RASA3: variants seen among roughly 807,000 people sequenced by gnomAD.
RASA3 encodes ras GTPase-activating protein 3.
In RASA3, 73 loss-of-function variants were observed where a neutral mutation model predicts 110.0. That is an observed-to-expected ratio of 0.66 (90% confidence interval 0.55 to 0.81). RASA3 has a LOEUF of 0.81. Ranked by LOEUF, RASA3 falls within the 30% of genes least tolerant of loss-of-function variation. The pLI is 0.00. For synonymous variants in RASA3, 500 were observed against 451.4 expected, an observed-to-expected ratio of 1.11 and a Z score of -1.37; for missense variants, 976 against 1,113.2, an observed-to-expected ratio of 0.88 and a Z score of 1.75.
chr13:113,997,153 C>T (rs2053275334), intron 20 of RASA3, among the ~76,000 whole-genome samples: 1 of 152,214 alleles, frequency 6.6e-6, no homozygotes, highest in Admixed American at 6.5e-5. Context: ...CTGTGTCAGC[C>T]CAGGTGGCCC....
In RASA3 at chr13:114,018,243, C is replaced by T; in HGVS notation, c.952G>A (p.Ala318Thr). ...TCGCCCAGGATGTGGGCCGCAGACGCTGACACGGGCTGCGGGGAGGGGTGA... is the reference window on the plus strand; with the variant it reads ...TCGCCCAGGATGTGGGCCGCAGACGTTGACACGGGCTGCGGGGAGGGGTGA... ...LKSADVEPVS[A>T]SAAHILGEVC... The change falls in exon 11 of 24, where the codon GCG (alanine) becomes ACG (threonine). Residue 318 changes from alanine (A) to threonine (T), a missense_variant. Physicochemically the swap from Ala to Thr is moderately conservative, Grantham distance 58 (BLOSUM62 0). Transcript: ENST00000334062. 6.4e-7 allele frequency: 1 copy of T among 1,551,792 alleles called. No homozygotes were observed. Among genetic ancestry groups the T allele is most frequent in the Non-Finnish European group, 8.7e-7 (1 of 1,148,124 alleles).
chr13:114,042,723 TC>T (rs1424063186), intron 3 of RASA3, among the ~76,000 whole-genome samples: 1 of 152,124 alleles, frequency 6.6e-6, no homozygotes, highest in Non-Finnish European at 1.5e-5. Context: ...TCAAAAAACT[TC>T]CGCAGGCTCC....
chr13:114,010,695 G>T (rs2053614529), intron 16 of RASA3, among the ~76,000 whole-genome samples: 1 of 8,474 alleles, frequency 1.2e-4, no homozygotes, highest in East Asian at 3.0e-3. Context: ...GGAGGAGGGG[G>T]CTGCATGGGG....
chr13:114,027,958 G>C, intron 5 of RASA3, 31 bp from the exon 6 acceptor site: 11 of 1,584,274 alleles, frequency 6.9e-6, no homozygotes, highest in Non-Finnish European at 8.7e-6. Flanking sequence ...GGCGTCAGGA[G>C]GGAGCGCAGA....
chr13:114,057,594 C>G lies in RASA3; in HGVS notation c.174-5439G>C. 1.2e-6 allele frequency: 1 copy of G among 859,632 alleles called. No individual in the cohort carries two copies. The highest frequency in any genetic ancestry group is 1.4e-6 in the Non-Finnish European group (1 of 715,496). 53.3% of individuals were successfully genotyped at this position (859,632 alleles called of 1,614,324 possible). ...GGAAGGAAACCTCTCCCCACAATGA[C>G]TGTGCACAGAGCCAGCCTGACACCC... is the stretch of plus-strand genomic sequence containing the variant. On this transcript the variant is annotated intron_variant, in intron 2 of 23. Coordinates refer to ENST00000334062, the MANE Select transcript of RASA3 (RefSeq NM_007368.4). The surrounding 1 kb of genome is among the most constrained non-coding windows in gnomAD (Gnocchi z 5.0).
intron 4 of RASA3, among the ~76,000 whole-genome samples, chr13:114,040,292 G>A (rs1322962975): frequency 6.7e-6 from 1 of 150,200 alleles, no homozygotes; most frequent in Non-Finnish European, 1.5e-5. Flanking sequence ...CAAAATCCAT[G>A]GCAGAGACCG....
chr13:114,054,419 C>G (rs61973899), intron 2 of RASA3, among the ~76,000 whole-genome samples: 20,711 of 151,872 alleles, frequency 0.14, 1,769 homozygotes, highest in Middle Eastern at 0.21. Flanking sequence ...CTGGGGCGGG[C>G]GACTGTTGCT....
Position 114,099,608 on chromosome 13 carries a change from G to GCAGCCCCCCCA in RASA3, c.56-25772_56-25771insTGGGGGGGCTG, listed in dbSNP as rs1475360247. Among the ~76,000 whole-genome samples the GCAGCCCCCCCA allele has an allele frequency of 2.0e-4, 25 of 124,384 alleles. 1 individual carries two copies. Among genetic ancestry groups the GCAGCCCCCCCA allele is most frequent in the South Asian group, 8.5e-4 (3 of 3,530 alleles). 81.6% of individuals were successfully genotyped at this position (124,384 alleles called of 152,430 possible). ...CAAATGCAGGGTCAGCGCCTGAGATGCAGCCCCCACAGCAGCCCCCCCACA... is the reference window on the plus strand; with the variant it reads ...CAAATGCAGGGTCAGCGCCTGAGATGCAGCCCCCCCACAGCCCCCACAGCAGCCCCCCCACA... On this transcript the variant is annotated intron_variant, in intron 1 of 23. Transcript: ENST00000334062.
Position 114,004,480 on chromosome 13 carries a change from C to G in RASA3, c.1742+3053G>C, listed in dbSNP as rs545883112. 3.3e-4 allele frequency among the ~76,000 whole-genome samples: 50 copies of G among 152,242 alleles called. No individual in the cohort carries two copies. In the South Asian group the frequency reaches 5.2e-3, roughly 16 times the overall value. Reference sequence around the variant, plus strand: ...ATACGATATAAAGCCCAGCGTGGCTCATCACCTGAGGAATGAGAGCCAGAG... The same window carrying G: ...ATACGATATAAAGCCCAGCGTGGCTGATCACCTGAGGAATGAGAGCCAGAG... On this transcript the variant is annotated intron_variant, in intron 18 of 23. Coordinates refer to ENST00000334062, the MANE Select transcript of RASA3 (RefSeq NM_007368.4).
At chr13:114,060,687 T>TGGAGCCGCGCACGCCC (rs1269188586) in intron 2 of RASA3, among the ~76,000 whole-genome samples, 1 of 152,196 alleles carries the variant, frequency 6.6e-6, no homozygotes, top group Non-Finnish European at 1.5e-5. Context: ...AGGACGCAGC[T>TGGAGCCGCGCACGCCC]GGAGCCGCGC....
In RASA3 at chr13:114,014,410, G is replaced by A. The variant is rs1183807387; in HGVS notation, c.1405+799C>T. On this transcript the variant is annotated intron_variant, in intron 14 of 23. Coordinates refer to ENST00000334062, the MANE Select transcript of RASA3 (RefSeq NM_007368.4). The surrounding 1 kb of genome is among the most constrained non-coding windows in gnomAD (Gnocchi z 4.5). ...CCTGAGAATCAGGGGTGGGGACAGC[G>A]TTTGTCTCCTGGGGACACAGAAGCG... Among the ~76,000 whole-genome samples the A allele has an allele frequency of 2.0e-5, 3 of 152,200 alleles. No homozygotes were observed. Among genetic ancestry groups the A allele is most frequent in the Admixed American group, 1.3e-4 (2 of 15,286 alleles).
chr13:114,121,243 G>C lies in RASA3; in HGVS notation c.55+11192C>G, dbSNP rs530505440. Among the ~76,000 whole-genome samples the C allele has an allele frequency of 2.0e-5, 3 of 152,338 alleles. 1 individual carries two copies. In the South Asian group the frequency reaches 6.2e-4, roughly 32 times the overall value. On this transcript the variant is annotated intron_variant, in intron 1 of 23. Transcript: ENST00000334062. ...CCACCCGCGGGGCATTCGGACCCCC[G>C]TGCCCCAAACACATCCCGCCGAGCC... is the stretch of plus-strand genomic sequence containing the variant.
chr13:114,017,421 C>T, intron 11 of RASA3, 70 bp from the exon 12 acceptor site: 1 of 1,195,534 alleles, frequency 8.4e-7, no homozygotes, highest in Non-Finnish European at 1.2e-6. Flanking sequence ...CAGAGCCTGG[C>T]CCCGAGCACC....
At chr13:114,019,744 C>G (rs1314495094) in intron 9 of RASA3, among the ~76,000 whole-genome samples, 3 of 147,062 alleles carry the variant, frequency 2.0e-5, no homozygotes, top group Non-Finnish European at 1.5e-5. Context: ...GAGACATTGG[C>G]GCCCCCGTCA....
At chr13:114,024,668 C>A in intron 7 of RASA3, among the ~76,000 whole-genome samples, 1 of 152,370 alleles carries the variant, frequency 6.6e-6, no homozygotes, top group South Asian at 2.1e-4. Context: ...CCGTCACCTG[C>A]GCCTGCTCTG....
intron 2 of RASA3, among the ~76,000 whole-genome samples, chr13:114,061,070 T>C (rs1307441345): frequency 6.6e-6 from 1 of 152,032 alleles, no homozygotes; most frequent in Non-Finnish European, 1.5e-5. Flanking sequence ...ACATTTCTTC[T>C]TCCCGAGACC....
intron 2 of RASA3, among the ~76,000 whole-genome samples, chr13:114,064,520 C>T (rs1388458170): frequency 6.6e-6 from 1 of 152,194 alleles, no homozygotes; most frequent in Non-Finnish European, 1.5e-5. Context: ...ATGGTGGGGG[C>T]ACCCATTTTC....
chr13:114,030,459 CACAGA>C (rs2054134567), intron 4 of RASA3, among the ~76,000 whole-genome samples: 2 of 114,178 alleles, frequency 1.8e-5, no homozygotes, highest in African/African-American at 3.1e-5. Context: ...GCAAGGCTCA[CACAGA>C]GGGCAAGGCT....
intron 1 of RASA3, among the ~76,000 whole-genome samples, chr13:114,091,345 G>A (rs1207952361): frequency 1.3e-5 from 2 of 152,022 alleles, no homozygotes; most frequent in Non-Finnish European, 2.9e-5. Flanking sequence ...TATGAGGTTA[G>A]CTATGGTTTT....
Sources: allele counts gnomAD v4.1 joint callset (sites outside exome capture counted in the v4.1 genomes callset), GRCh38; gene constraint gnomAD v4.1.1; non-coding constraint Gnocchi (gnomAD v3.1); transcripts MANE v1.5; gene names NCBI Gene and HGNC (gene_info 2026-07-23, HGNC 2026-07-21).